Variants in PPFIA2 observed in about 807,000 individuals in gnomAD.
The protein encoded by PPFIA2 is PPFI scaffold protein A2, also known as liprin-alpha-2.
PPFIA2 carries 46 observed loss-of-function variants against 175.5 expected under a neutral mutation model. The ratio of observed to expected loss-of-function variants is 0.26; its 90% CI spans 0.21 to 0.34. The LOEUF is 0.34. PPFIA2 is among the 10% of genes least tolerant of loss of function. PPFIA2 has a pLI of 1.00. For missense variants in PPFIA2, 1,179 were observed against 1,506.1 expected, an observed-to-expected ratio of 0.78 and a Z score of 3.60; for synonymous variants, 568 against 511.4, an observed-to-expected ratio of 1.11 and a Z score of -1.49.
intron 4 of PPFIA2, among the ~76,000 whole-genome samples, chr12:81,632,961 A>T (rs2063565010): frequency 6.6e-6 from 1 of 151,988 alleles, no homozygotes; most frequent in African/African-American, 2.4e-5. Flanking sequence ...CTGCAATCTC[A>T]GCTTAGTTTC....
chr12:81,672,829 C>T (rs12301917), intron 4 of PPFIA2, among the ~76,000 whole-genome samples: 46,736 of 151,758 alleles, frequency 0.31, 9,568 homozygotes, highest in African/African-American at 0.59. Context: ...AACATCTTCA[C>T]ATTTGACCAA....
At chr12:81,365,310 G>A (rs148939603) in intron 14 of PPFIA2, among the ~76,000 whole-genome samples, 16 of 151,930 alleles carry the variant, frequency 1.1e-4, no homozygotes, top group Non-Finnish European at 1.8e-4. Context: ...GGTCAGATTA[G>A]TGAATGTGCC....
intron 3 of PPFIA2, among the ~76,000 whole-genome samples, chr12:81,712,292 A>G (rs1183423937): frequency 6.6e-6 from 1 of 151,418 alleles, no homozygotes; most frequent in Non-Finnish European, 1.5e-5. Flanking sequence ...TATAAATTTG[A>G]ATGTTGAGAT....
rs114683004 is a variant in PPFIA2 at position 81,706,552 on chromosome 12, A to C, written c.250-29708T>G. Among the ~76,000 whole-genome samples, 1,047 of 152,254 alleles carry C rather than the reference A, an allele frequency of 6.9e-3. 18 individuals carry two copies. Among genetic ancestry groups the C allele is most frequent in the African/African-American group, 0.024 (993 of 41,550 alleles). On this transcript the variant is annotated intron_variant, in intron 3 of 32. Transcript: ENST00000549396. ...CATTGATTTCTAATAGAACTTTTTT[A>C]TAAGTTAAAGCTAAAGAGAAAAGTC... is the stretch of plus-strand genomic sequence containing the variant.
chr12:81,720,109 T>G (rs956768495), intron 3 of PPFIA2, among the ~76,000 whole-genome samples: 3 of 151,510 alleles, frequency 2.0e-5, no homozygotes, highest in Non-Finnish European at 3.0e-5. Flanking sequence ...GTGTAAATTC[T>G]TGTGAAATTA....
At chr12:81,307,622 G>A (rs574772694) in intron 22 of PPFIA2, among the ~76,000 whole-genome samples, 2 of 115,818 alleles carry the variant, frequency 1.7e-5, no homozygotes, top group South Asian at 2.8e-4. Context: ...GATGGTGATG[G>A]GCTCCTAGAA....
intron 8 of PPFIA2, among the ~76,000 whole-genome samples, chr12:81,402,985 T>C (rs1369990024): frequency 2.0e-5 from 3 of 152,184 alleles, no homozygotes; most frequent in Non-Finnish European, 4.4e-5. Flanking sequence ...AGACTAAATA[T>C]ATATGATACA....
At chr12:81,655,388 T>C (rs2067630813) in intron 4 of PPFIA2, among the ~76,000 whole-genome samples, 1 of 151,652 alleles carries the variant, frequency 6.6e-6, no homozygotes, top group South Asian at 2.1e-4. Flanking sequence ...AATGTTTATA[T>C]AATTGATTTT....
At chr12:81,496,028 A>G (rs554362407) in intron 4 of PPFIA2, among the ~76,000 whole-genome samples, 17 of 152,286 alleles carry the variant, frequency 1.1e-4, no homozygotes, top group African/African-American at 3.6e-4. Flanking sequence ...TTAATTGAGA[A>G]CTACTTCACA....
At chr12:81,414,846 T>C (rs2044644112) in intron 7 of PPFIA2, among the ~76,000 whole-genome samples, 1 of 151,452 alleles carries the variant, frequency 6.6e-6, no homozygotes, top group Non-Finnish European at 1.5e-5. Context: ...TTTGCATTTG[T>C]ATCGCTATTT....
chr12:81,325,913 G>A (rs774759506), intron 21 of PPFIA2, 43 bp from the exon 22 acceptor site: 1 of 1,395,162 alleles, frequency 7.2e-7, no homozygotes, highest in South Asian at 1.2e-5. Flanking sequence ...TGTTGCATAG[G>A]TTGTGTCAAT....
At chr12:81,366,209 A>G (rs893858071) in intron 14 of PPFIA2, among the ~76,000 whole-genome samples, 3 of 151,656 alleles carry the variant, frequency 2.0e-5, no homozygotes, top group African/African-American at 7.2e-5. Flanking sequence ...CTTTAAAAAA[A>G]TAAGATAAAA....
At chr12:81,643,628 G>A (rs1454180865) in intron 4 of PPFIA2, among the ~76,000 whole-genome samples, 1 of 152,008 alleles carries the variant, frequency 6.6e-6, no homozygotes, top group Non-Finnish European at 1.5e-5. Context: ...ATGTGACAGT[G>A]AGATGGTTTC....
chr12:81,611,021 T>A (rs1192188536), intron 4 of PPFIA2, among the ~76,000 whole-genome samples: 2 of 152,170 alleles, frequency 1.3e-5, no homozygotes, highest in Non-Finnish European at 2.9e-5. Context: ...TGGACTGTGA[T>A]CCTGTAGATG....
chr12:81,621,835 A>G (rs1033605535), intron 4 of PPFIA2, among the ~76,000 whole-genome samples: 6 of 152,184 alleles, frequency 3.9e-5, no homozygotes, highest in African/African-American at 1.4e-4. Flanking sequence ...AGACATATAC[A>G]TGGAGATGTC....
At chr12:81,686,735 T>TA (rs2153582134) in intron 3 of PPFIA2, among the ~76,000 whole-genome samples, 1 of 152,252 alleles carries the variant, frequency 6.6e-6, no homozygotes, top group South Asian at 2.1e-4. Context: ...TGGATGTTAA[T>TA]AGAGTTTTCC....
At chr12:81,446,415 C>G (rs532502439) in intron 5 of PPFIA2, among the ~76,000 whole-genome samples, 1 of 152,136 alleles carries the variant, frequency 6.6e-6, no homozygotes, top group African/African-American at 2.4e-5. Context: ...GCTTTACACT[C>G]TTAGCTTTTG....
At chr12:81,346,728 C>T (rs951151237) in intron 18 of PPFIA2, among the ~76,000 whole-genome samples, 3 of 151,314 alleles carry the variant, frequency 2.0e-5, no homozygotes, top group Non-Finnish European at 4.4e-5. Flanking sequence ...TGGCTCTTAA[C>T]ACAAATAATG....
chr12:81,610,522 T>C (rs1416288268), intron 4 of PPFIA2, among the ~76,000 whole-genome samples: 2 of 152,202 alleles, frequency 1.3e-5, no homozygotes, highest in Non-Finnish European at 2.9e-5. Context: ...TGTTCTGCTG[T>C]TAATACTTCA....
Sources: allele counts gnomAD v4.1 joint callset (sites outside exome capture counted in the v4.1 genomes callset), GRCh38; gene constraint gnomAD v4.1.1; transcripts MANE v1.5; gene names NCBI Gene and HGNC (gene_info 2026-07-23, HGNC 2026-07-21).